UBE2E2: variants seen among roughly 807,000 people sequenced by gnomAD.
The protein encoded by UBE2E2 is ubiquitin conjugating enzyme E2 E2.
A neutral mutation model predicts 24.7 loss-of-function variants in UBE2E2; 6 were observed. The ratio of observed to expected loss-of-function variants is 0.24; its 90% CI spans 0.13 to 0.48. The LOEUF is 0.48. Ranked by LOEUF, UBE2E2 falls within the 20% of genes least tolerant of loss-of-function variation. UBE2E2 has a pLI of 0.99. For synonymous variants in UBE2E2, 104 were observed against 83.6 expected, an observed-to-expected ratio of 1.24 and a Z score of -1.33; for missense variants, 169 against 245.0, an observed-to-expected ratio of 0.69 and a Z score of 2.07.
chr3:23,372,689 G>A (rs1448533726), intron 3 of UBE2E2, among the ~76,000 whole-genome samples: 9 of 152,052 alleles, frequency 5.9e-5, no homozygotes, highest in Non-Finnish European at 1.3e-4. Flanking sequence ...TTGAATAGAG[G>A]CATTGCTGTG....
chr3:23,533,600 T>C (rs1293076586), intron 5 of UBE2E2, among the ~76,000 whole-genome samples: 8 of 151,632 alleles, frequency 5.3e-5, no homozygotes, highest in Admixed American at 5.3e-4. Flanking sequence ...TAAAATCTTT[T>C]TTAAAGTAGC....
At chr3:23,561,079 C>G (rs1182293508) in intron 5 of UBE2E2, among the ~76,000 whole-genome samples, 1 of 152,116 alleles carries the variant, frequency 6.6e-6, no homozygotes, top group African/African-American at 2.4e-5. Flanking sequence ...TTAATTAGAT[C>G]CCATTTGTCA....
At chr3:23,443,735 T>C (rs1023323997) in intron 3 of UBE2E2, among the ~76,000 whole-genome samples, 1 of 152,180 alleles carries the variant, frequency 6.6e-6, no homozygotes, top group African/African-American at 2.4e-5. Context: ...GTTGAGAAGA[T>C]CTGAATGATG....
At chr3:23,411,567 AT>A (rs1468982179) in intron 3 of UBE2E2, among the ~76,000 whole-genome samples, 1 of 152,170 alleles carries the variant, frequency 6.6e-6, no homozygotes, top group African/African-American at 2.4e-5. Context: ...TTGAGGTCAA[AT>A]TTATATGTGC....
At chr3:23,571,280 C>CTCTTT (rs1696217145) in intron 5 of UBE2E2, among the ~76,000 whole-genome samples, 2 of 29,866 alleles carry the variant, frequency 6.7e-5, no homozygotes, top group African/African-American at 2.1e-4. Flanking sequence ...GTGCTCCTTT[C>CTCTTT]TTTTTTTTTT....
chr3:23,440,997 C>T (rs983794879), intron 3 of UBE2E2, among the ~76,000 whole-genome samples: 1 of 152,106 alleles, frequency 6.6e-6, no homozygotes, highest in Non-Finnish European at 1.5e-5. Context: ...TTTTAAAAAT[C>T]CCTTGCCACT....
At chr3:23,549,886 A>T (rs1053333458) in intron 5 of UBE2E2, among the ~76,000 whole-genome samples, 31 of 152,038 alleles carry the variant, frequency 2.0e-4, no homozygotes, top group African/African-American at 7.0e-4. Context: ...TACACTAATT[A>T]GCTGAGCGTG....
chr3:23,303,856 A>G (rs893864022), intron 3 of UBE2E2, among the ~76,000 whole-genome samples: 1 of 152,172 alleles, frequency 6.6e-6, no homozygotes, highest in Non-Finnish European at 1.5e-5. Context: ...TTAAGTTCTC[A>G]GGGCTCTCCT....
intron 3 of UBE2E2, among the ~76,000 whole-genome samples, chr3:23,250,827 T>TA (rs769180540): frequency 6.6e-6 from 1 of 152,172 alleles, no homozygotes; most frequent in South Asian, 2.1e-4. Context: ...AGGCTTCTGA[T>TA]ATGGGTAATT....
At chr3:23,205,154 T>G (rs2125313492) in intron 1 of UBE2E2, among the ~76,000 whole-genome samples, 1 of 152,304 alleles carries the variant, frequency 6.6e-6, no homozygotes, top group Middle Eastern at 3.4e-3. Flanking sequence ...TAATATAGTT[T>G]TAGGAAGGAC....
intron 3 of UBE2E2, among the ~76,000 whole-genome samples, chr3:23,416,781 C>T (rs192448451): frequency 6.4e-4 from 97 of 152,170 alleles, no homozygotes; most frequent in African/African-American, 2.2e-3. Flanking sequence ...CTTGTCTTCA[C>T]GCTTTATTTC....
chr3:23,405,944 T>C (rs1559374392), intron 3 of UBE2E2, among the ~76,000 whole-genome samples: 1 of 152,194 alleles, frequency 6.6e-6, no homozygotes, highest in Non-Finnish European at 1.5e-5. Context: ...GACTTTTCCA[T>C]TGAGTTTCCC....
chr3:23,513,681 A>G (rs1003647216), intron 4 of UBE2E2, among the ~76,000 whole-genome samples: 33 of 152,324 alleles, frequency 2.2e-4, no homozygotes, highest in African/African-American at 7.2e-4. Context: ...CAACTTAGGC[A>G]CACCTGCCTC....
At chr3:23,397,815 C>T (rs970901787) in intron 3 of UBE2E2, among the ~76,000 whole-genome samples, 1 of 152,104 alleles carries the variant, frequency 6.6e-6, no homozygotes, top group African/African-American at 2.4e-5. Flanking sequence ...CTCCAGACTC[C>T]AGGAGATGCC....
chr3:23,586,556 C>T (rs1696632244), intron 5 of UBE2E2, among the ~76,000 whole-genome samples: 1 of 152,100 alleles, frequency 6.6e-6, no homozygotes, highest in Non-Finnish European at 1.5e-5. Context: ...CCTCAGACTC[C>T]CAAAGTGCTG....
At chr3:23,346,726 C>A (rs1338037376) in intron 3 of UBE2E2, among the ~76,000 whole-genome samples, 1 of 152,080 alleles carries the variant, frequency 6.6e-6, no homozygotes. Context: ...CCTTTCTTTT[C>A]GGTATGTTCC....
At chr3:23,291,849 ATTTTTTTTTT>A (rs57708620) in intron 3 of UBE2E2, among the ~76,000 whole-genome samples, 20 of 64,036 alleles carry the variant, frequency 3.1e-4, no homozygotes, top group South Asian at 2.4e-3. Context: ...TGCCCGGCTA[ATTTTTTTTTT>A]TTTTTTTTTT....
chr3:23,252,790 C>G (rs989586265), intron 3 of UBE2E2, among the ~76,000 whole-genome samples: 3 of 152,234 alleles, frequency 2.0e-5, no homozygotes, highest in Admixed American at 1.3e-4. Context: ...AGCCACCACA[C>G]CTGGCCACCA....
At chr3:23,450,680 A>G (rs1198111113) in intron 3 of UBE2E2, among the ~76,000 whole-genome samples, 1 of 152,186 alleles carries the variant, frequency 6.6e-6, no homozygotes, top group African/African-American at 2.4e-5. Flanking sequence ...TGAAGTATCT[A>G]TTTAAATATT....
Sources: gnomAD v4.1 joint callset for allele counts (sites outside exome capture counted in the v4.1 genomes callset) on GRCh38, gnomAD v4.1.1 for gene constraint, MANE v1.5 for transcripts, NCBI Gene and HGNC (gene_info 2026-07-23, HGNC 2026-07-21) for gene names.